Variants in CLTC observed in about 807,000 individuals in gnomAD.
The protein encoded by CLTC is clathrin heavy chain.
In CLTC, 16 loss-of-function variants were observed where a neutral mutation model predicts 195.8. The ratio of observed to expected loss-of-function variants is 0.08; its 90% CI spans 0.06 to 0.12. The LOEUF (loss-of-function observed/expected upper bound fraction) is 0.12. Among genes scored for constraint, CLTC ranks in the 10% least tolerant of loss-of-function variants. The pLI is 1.00. For synonymous variants in CLTC, 667 were observed against 689.4 expected, an observed-to-expected ratio of 0.97 and a Z score of 0.51; for missense variants, 796 against 2,027.0, an observed-to-expected ratio of 0.39 and a Z score of 11.66.
At chr17:59,676,185 G>C (rs2032962052) in intron 16 of CLTC, among the ~76,000 whole-genome samples, 1 of 152,102 alleles carries the variant, frequency 6.6e-6, no homozygotes, top group South Asian at 2.1e-4. Context: ...GGCAACAGAA[G>C]ACCCTGGCTT....
chr17:59,694,688 C>G lies in CLTC; in HGVS notation c.*836C>G, dbSNP rs1046558763. The G allele has an allele frequency of 4.4e-6, 1 of 225,604 alleles. No individual in the cohort carries two copies. The highest frequency in any genetic ancestry group is 8.8e-6 in the Non-Finnish European group (1 of 113,200). The allele number at this position is 225,604 out of a possible 1,614,324, so 14.0% of individuals were successfully genotyped here. On this transcript the variant is annotated 3_prime_UTR_variant, in exon 32 of 32. Transcript: ENST00000269122. ...AGTGTACAGAAGAGAGAAATTCAAA[C>G]AAAATATTGCTGTTCTTCAGTTTTG...
At chr17:59,680,661 T>A (rs2033063849) in intron 18 of CLTC, among the ~76,000 whole-genome samples, 1 of 152,236 alleles carries the variant, frequency 6.6e-6, no homozygotes, top group Non-Finnish European at 1.5e-5. Context: ...ATTAAAGTGA[T>A]AATGATGATT....
chr17:59,635,387 T>G (rs1432493937), intron 1 of CLTC, among the ~76,000 whole-genome samples: 1 of 152,232 alleles, frequency 6.6e-6, no homozygotes, highest in Non-Finnish European at 1.5e-5. Flanking sequence ...GGAAGCAAAC[T>G]CCTTAGGTAT....
intron 28 of CLTC, among the ~76,000 whole-genome samples, chr17:59,684,806 C>T (rs538121273): frequency 7.8e-6 from 1 of 127,768 alleles, no homozygotes; most frequent in Non-Finnish European, 1.6e-5. Context: ...GACTCCATCT[C>T]AAAAAAAAAG....
At chr17:59,650,064 A>T (rs1405071186) in intron 4 of CLTC, among the ~76,000 whole-genome samples, 1 of 152,180 alleles carries the variant, frequency 6.6e-6, no homozygotes, top group Non-Finnish European at 1.5e-5. Context: ...ATCCTAATGA[A>T]GGATGATGAG....
Position 59,622,520 on chromosome 17 carries a change from G to C in CLTC, c.42+2347G>C, listed in dbSNP as rs548111782. Among the ~76,000 whole-genome samples, 8 of 152,222 alleles carry C rather than the reference G, an allele frequency of 5.3e-5. No homozygotes were observed. The East Asian group carries it at 1.5e-3, about 29-fold the overall frequency. On this transcript the variant is annotated intron_variant, in intron 1 of 31. Coordinates refer to ENST00000269122, the MANE Select transcript of CLTC (RefSeq NM_004859.4). ...AGCATCCTGAGTAGCTGGGACTACA[G>C]CCATGAGCCACCACACCTGGCTAAT... is the stretch of plus-strand genomic sequence containing the variant.
At chr17:59,640,136 T>C (rs929734787) in intron 1 of CLTC, among the ~76,000 whole-genome samples, 4 of 152,242 alleles carry the variant, frequency 2.6e-5, no homozygotes, top group African/African-American at 9.6e-5. Context: ...CATAGTTATA[T>C]AGTTTGGCCA....
At chr17:59,645,910 A>G (rs2143501717) in intron 2 of CLTC, 1 of 205,562 alleles carries the variant, frequency 4.9e-6, no homozygotes, top group South Asian at 1.7e-4. Flanking sequence ...AGCAATTCCC[A>G]TGCCTCTCTA....
intron 10 of CLTC, among the ~76,000 whole-genome samples, chr17:59,665,857 TAAATA>T (rs965039334): frequency 6.6e-6 from 1 of 151,882 alleles, no homozygotes; most frequent in Non-Finnish European, 1.5e-5. Flanking sequence ...ATAAAATAAA[TAAATA>T]AAATAAAATA....
chr17:59,646,003 T>G (rs1353651138), intron 2 of CLTC: 1 of 824,930 alleles, frequency 1.2e-6, no homozygotes, highest in Non-Finnish European at 1.5e-6. Flanking sequence ...CTTAATGCTT[T>G]CTTATGTGTG....
At chr17:59,687,632 G>T (rs1465961027) in intron 30 of CLTC, among the ~76,000 whole-genome samples, 1 of 152,040 alleles carries the variant, frequency 6.6e-6, no homozygotes, top group African/African-American at 2.4e-5. Flanking sequence ...AGTTCTTATG[G>T]TGCTAGTCCA....
intron 16 of CLTC, 79 bp downstream of exon 16, chr17:59,674,922 C>A: frequency 7.4e-7 from 1 of 1,359,730 alleles, no homozygotes; most frequent in Non-Finnish European, 1.0e-6. Context: ...TCATTTGTTC[C>A]AAAGCTACTA....
chr17:59,647,560 C>G lies in CLTC; in HGVS notation c.413C>G (p.Pro138Arg). ...TGGAGTATGGAAGGAGAGTCTCAGC[C>G]AGTGAAAATGTTTGATCGCCATTCT... is the stretch of plus-strand genomic sequence containing the variant. Reference protein sequence around the residue: ...YHWSMEGESQPVKMFDRHSSL... With the variant: ...YHWSMEGESQRVKMFDRHSSL... The change falls in exon 3 of 32, where the codon CCA (proline) becomes CGA (arginine). Residue 138 changes from proline (P) to arginine (R), a missense_variant. By Grantham distance (103) the Pro-to-Arg change is moderately radical. Around this residue, in one of 9 missense-constraint regions of CLTC, gnomAD observed 293 missense variants for 795.6 expected, o/e 0.37. Coordinates refer to ENST00000269122, the MANE Select transcript of CLTC (RefSeq NM_004859.4). 6.2e-7 allele frequency: 1 copy of G among 1,614,122 alleles called. No individual in the cohort carries two copies.
Position 59,679,532 on chromosome 17 carries a change from A to G in CLTC, c.2919+13A>G. On this transcript the variant is annotated intron_variant, in intron 18 of 31. Coordinates refer to ENST00000269122, the MANE Select transcript of CLTC (RefSeq NM_004859.4). ...CCTAATTGACCAGGTAACATTGGCA[A>G]ATGTGTTTATGGCTGTCAGTAAAAA... 1.3e-6 allele frequency: 2 copies of G among 1,571,372 alleles called. No homozygotes were observed. The highest frequency in any genetic ancestry group is 2.3e-5 in the East Asian group (1 of 43,808).
Position 59,682,859 on chromosome 17 carries a change from T to C in CLTC, c.3766-48T>C, listed in dbSNP as rs979829285. On this transcript the variant is annotated intron_variant, in intron 23 of 31. Coordinates refer to ENST00000269122, the MANE Select transcript of CLTC (RefSeq NM_004859.4). This position sits in a 1 kb window ranked among gnomAD's most constrained non-coding sequence, Gnocchi z 6.8. ...CTATTTAAACATTAGTTTAAATAAC[T>C]AGCCATGTTTTACATTTGAGTTCAC... 2 of 1,610,638 alleles carry C rather than the reference T, an allele frequency of 1.2e-6. No individual in the cohort carries two copies. The highest frequency in any genetic ancestry group is 3.3e-5 in the Admixed American group (2 of 59,716).
intron 7 of CLTC, 51 bp downstream of exon 7, chr17:59,660,639 T>C: frequency 1.3e-6 from 2 of 1,556,118 alleles, no homozygotes; most frequent in South Asian, 1.1e-5. Flanking sequence ...ATTGTTAATA[T>C]TCTGTTTCTT....
Position 59,681,594 on chromosome 17 carries a change from C to T in CLTC, c.3250-53C>T, listed in dbSNP as rs540450471. On this transcript the variant is annotated intron_variant, in intron 20 of 31. Coordinates refer to ENST00000269122, the MANE Select transcript of CLTC (RefSeq NM_004859.4). The surrounding 1 kb of genome is among the most constrained non-coding windows in gnomAD (Gnocchi z 5.0). ...AATACTAACAGCTTAAATGTAATTG[C>T]TTTGGGTAGGATTGATTTTACTCTA... 1.5e-5 allele frequency: 24 copies of T among 1,578,944 alleles called. No individual in the cohort carries two copies. The South Asian group carries it at 2.5e-4, about 17-fold the overall frequency.
intron 1 of CLTC, among the ~76,000 whole-genome samples, chr17:59,624,532 G>A (rs539406340): frequency 1.4e-5 from 2 of 143,296 alleles, no homozygotes; most frequent in Admixed American, 7.3e-5. Context: ...GCAGTGGTGC[G>A]ATCTCGGCTC....
At chr17:59,691,506 C>T (rs1053551360) in intron 31 of CLTC, among the ~76,000 whole-genome samples, 13 of 151,980 alleles carry the variant, frequency 8.6e-5, no homozygotes, top group Admixed American at 7.2e-4. Context: ...TGCCTGTAGT[C>T]CCAGCTACTT....
Sources: allele counts gnomAD v4.1 joint callset (sites outside exome capture counted in the v4.1 genomes callset), GRCh38; gene constraint gnomAD v4.1.1; regional missense constraint gnomAD v4.1.1; non-coding constraint Gnocchi (gnomAD v3.1); transcripts MANE v1.5; gene names NCBI Gene and HGNC (gene_info 2026-07-23, HGNC 2026-07-21).